Variants in ZFP64 observed in about 807,000 individuals in gnomAD.
ZFP64 encodes ZFP64 zinc finger protein, also known as zinc finger protein 64.
A neutral mutation model predicts 51.6 loss-of-function variants in ZFP64; 14 were observed. That is an observed-to-expected ratio of 0.27 (90% confidence interval 0.18 to 0.42). ZFP64 has a LOEUF of 0.42. Among genes scored for constraint, ZFP64 ranks in the 10% least tolerant of loss-of-function variants. The pLI is 1.00. For synonymous variants in ZFP64, 375 were observed against 361.4 expected, an observed-to-expected ratio of 1.04 and a Z score of -0.43; for missense variants, 754 against 906.8, an observed-to-expected ratio of 0.83 and a Z score of 2.16.
chr20:52,085,251 T>C lies in ZFP64; in HGVS notation c.1244A>G (p.Gln415Arg). 1 of 1,612,862 alleles carries C rather than the reference T, an allele frequency of 6.2e-7. No homozygotes were observed. The highest frequency in any genetic ancestry group is 8.5e-7 in the Non-Finnish European group (1 of 1,179,248). The change falls in exon 9 of 9, where the codon CAG becomes CGG. Residue 415 changes from glutamine (Q) to arginine (R), a missense_variant. Transcript: ENST00000361387. The surrounding 1 kb of genome is among the most constrained non-coding windows in gnomAD (Gnocchi z 4.3). ...GAACTTGGCGCTACAGAGCCAGCAC[T>C]GGAAGGGGGTATCCCCTAGCAATGG...
In ZFP64 at chr20:52,160,142, G is replaced by T; in HGVS notation, c.744C>A (p.Val248=). The T allele has an allele frequency of 3.1e-6, 5 of 1,614,112 alleles. No homozygotes were observed. Among genetic ancestry groups the T allele is most frequent in the Non-Finnish European group, 4.2e-6 (5 of 1,180,028 alleles). The change falls in exon 5 of 6, where the codon GTC becomes GTA. Residue 248 remains valine, a synonymous_variant. Coordinates refer to ENST00000216923, the MANE Select transcript of ZFP64 (RefSeq NM_018197.3). This position sits in a 1 kb window ranked among gnomAD's most constrained non-coding sequence, Gnocchi z 4.2. ...ACTCACCCGTGTGGGATCGCAGGTG[G>T]ACAGTGAGCTGGCTGGAGTTGCGGC... ...YASRNSSQLT[V]HLRSHTGDAP...
At chr20:52,125,927 G>T (rs2122865995) in intron 5 of ZFP64, among the ~76,000 whole-genome samples, 1 of 152,102 alleles carries the variant, frequency 6.6e-6, no homozygotes, top group East Asian at 1.9e-4. Flanking sequence ...TGTCACCCAG[G>T]CTGGAGTGCA....
chr20:52,162,874 A>C (rs1004663765), intron 4 of ZFP64, among the ~76,000 whole-genome samples: 1 of 152,166 alleles, frequency 6.6e-6, no homozygotes, highest in Non-Finnish European at 1.5e-5. Flanking sequence ...GTAATTAAGC[A>C]TACCCCCACT....
chr20:52,142,152 A>G (rs1349757773), intron 5 of ZFP64, among the ~76,000 whole-genome samples: 3 of 151,450 alleles, frequency 2.0e-5, no homozygotes, highest in Non-Finnish European at 4.4e-5. Context: ...GGATGACCTG[A>G]GGTCAGGAGT....
downstream of ZFP64, among the ~76,000 whole-genome samples, chr20:52,147,545 C>G (rs1301904678): frequency 2.6e-5 from 4 of 152,060 alleles, no homozygotes; most frequent in African/African-American, 9.7e-5. Flanking sequence ...AAATAAAAGA[C>G]TATATCAGAT....
intron 5 of ZFP64, among the ~76,000 whole-genome samples, chr20:52,107,246 C>T (rs562180967): frequency 1.3e-5 from 2 of 152,200 alleles, no homozygotes; most frequent in South Asian, 2.1e-4. Context: ...GAGGTGTGTA[C>T]ATGTGTTTGC....
exon 9 of ZFP64, chr20:52,084,365 G>A: frequency 1.7e-6 from 1 of 590,732 alleles, no homozygotes; most frequent in Non-Finnish European, 3.0e-6. Context: ...AATGCGAGGA[G>A]TGTCTCCACA....
downstream of ZFP64, among the ~76,000 whole-genome samples, chr20:52,149,603 G>A (rs1980691850): frequency 1.3e-5 from 2 of 152,312 alleles, no homozygotes; most frequent in African/African-American, 2.4e-5. Flanking sequence ...TGGGTGGGGT[G>A]AGAATACGGA....
In ZFP64 at chr20:52,152,519, G is replaced by C; in HGVS notation, c.1673C>G (p.Pro558Arg). The C allele has an allele frequency of 1.9e-6, 3 of 1,602,080 alleles. No individual in the cohort carries two copies. Among genetic ancestry groups the C allele is most frequent in the East Asian group, 2.2e-5 (1 of 44,798 alleles). The change falls in exon 6 of 6, where the codon CCG (proline) becomes CGG (arginine). Residue 558 changes from proline (P) to arginine (R), a missense_variant. Around this residue, in one of 3 missense-constraint regions of ZFP64, gnomAD observed 428 missense variants for 472.4 expected, o/e 0.91. Coordinates refer to ENST00000216923, the MANE Select transcript of ZFP64 (RefSeq NM_018197.3). ...CTGGGTCATTGCGCCCGCCTCGCTCGGACACCGCGAGGACTGAGGGGGGGC... is the reference window on the plus strand; with the variant it reads ...CTGGGTCATTGCGCCCGCCTCGCTCCGACACCGCGAGGACTGAGGGGGGGC... Reference protein sequence around the residue: ...LIAPPQSSRCPSEAGAMTQPA... With the variant: ...LIAPPQSSRCRSEAGAMTQPA...
chr20:52,138,702 GCAAT>G (rs1325709739), intron 5 of ZFP64, among the ~76,000 whole-genome samples: 1 of 151,632 alleles, frequency 6.6e-6, no homozygotes, highest in Non-Finnish European at 1.5e-5. Context: ...TTTTAAAAAT[GCAAT>G]CCTCGAGAGA....
chr20:52,092,683 A>T (rs765440744), intron 7 of ZFP64, among the ~76,000 whole-genome samples: 1 of 152,108 alleles, frequency 6.6e-6, no homozygotes, highest in Non-Finnish European at 1.5e-5. Context: ...GTGAAACAGC[A>T]TCTCCACTGT....
rs992867295 is a variant in ZFP64 at position 52,152,742 on chromosome 20, G to A, written c.1450C>T (p.Leu484Phe). ...AACTGGGGCACTTGGCTGGGCTGGA[G>A]GGGCACCTGGAGGTGTCCCACAGTG... ...PLTVGHLQVP[L>F]QPSQVPQFSE... Residue 484 changes from leucine to phenylalanine, a missense_variant, in exon 6 of 6, where the codon CTC becomes TTC. Physicochemically the swap from Leu to Phe is conservative, Grantham distance 22. Coordinates refer to ENST00000216923, the MANE Select transcript of ZFP64 (RefSeq NM_018197.3). 7 of 1,582,830 alleles carry A rather than the reference G, an allele frequency of 4.4e-6. No homozygotes were observed. The African/African-American group carries it at 8.1e-5, about 18-fold the overall frequency.
At chr20:52,167,926 G>A (rs539829917) in intron 2 of ZFP64, among the ~76,000 whole-genome samples, 1 of 152,244 alleles carries the variant, frequency 6.6e-6, no homozygotes, top group African/African-American at 2.4e-5. Context: ...ATATTTCTTT[G>A]AATCTAAGAT....
chr20:52,090,935 A>T (rs71354366), intron 7 of ZFP64, among the ~76,000 whole-genome samples: 2 of 142,152 alleles, frequency 1.4e-5, no homozygotes, highest in Admixed American at 1.4e-4. Flanking sequence ...ACCAAAAAAA[A>T]AAAAAAAAAA....
Position 52,085,021 on chromosome 20 carries a change from C to G in ZFP64, c.1474G>C (p.Asp492His), listed in dbSNP as rs1474313467. The G allele has an allele frequency of 1.2e-6, 2 of 1,614,050 alleles. No homozygotes were observed. Residue 492 changes from aspartate to histidine, a missense_variant, in exon 9 of 9, where the codon GAC becomes CAC. Physicochemically the swap from Asp to His is moderately conservative, Grantham distance 81. Transcript: ENST00000361387. This position sits in a 1 kb window ranked among gnomAD's most constrained non-coding sequence, Gnocchi z 4.3. ...CACTCTGGACACTTCTCCGGGTGGT[C>G]GGCCTGGTGCAGCCGGCTGTGCTCC...
intron 1 of ZFP64, among the ~76,000 whole-genome samples, chr20:52,190,859 C>G (rs892426362): frequency 1.3e-5 from 2 of 152,082 alleles, no homozygotes; most frequent in African/African-American, 2.4e-5. Context: ...CAGGCAGCTA[C>G]GAAGGACAGC....
intron 2 of ZFP64, among the ~76,000 whole-genome samples, chr20:52,181,053 C>G (rs1049541518): frequency 5.3e-5 from 8 of 152,218 alleles, no homozygotes; most frequent in Admixed American, 5.2e-4. Context: ...AGCGATTCTC[C>G]TGCCTCAGCC....
intron 5 of ZFP64, among the ~76,000 whole-genome samples, chr20:52,133,311 A>T (rs897577569): frequency 1.3e-5 from 2 of 152,194 alleles, no homozygotes; most frequent in African/African-American, 4.8e-5. Context: ...AAAGATGCCC[A>T]CTTTCACCAC....
chr20:52,171,042 T>A (rs565404180), intron 2 of ZFP64, among the ~76,000 whole-genome samples: 1 of 152,294 alleles, frequency 6.6e-6, no homozygotes, highest in Non-Finnish European at 1.5e-5. Flanking sequence ...AAGCATATAA[T>A]TATTATATTA....
Sources: allele counts gnomAD v4.1 joint callset (sites outside exome capture counted in the v4.1 genomes callset), GRCh38; gene constraint gnomAD v4.1.1; regional missense constraint gnomAD v4.1.1; non-coding constraint Gnocchi (gnomAD v3.1); transcripts MANE v1.5; gene names NCBI Gene and HGNC (gene_info 2026-07-23, HGNC 2026-07-21).